KCND3: variants seen among roughly 807,000 people sequenced by gnomAD.
The protein encoded by KCND3 is potassium voltage-gated channel subfamily D member 3, also known as A-type voltage-gated potassium channel KCND3.
Under a neutral mutation model 51.1 loss-of-function variants are expected in KCND3, and 9 were observed. The ratio of observed to expected loss-of-function variants is 0.18; its 90% CI spans 0.11 to 0.31. The LOEUF (loss-of-function observed/expected upper bound fraction) is 0.31, where lower values mean the gene tolerates loss of function less well. Among genes scored for constraint, KCND3 ranks in the 10% least tolerant of loss-of-function variants. KCND3 has a pLI of 1.00. For synonymous variants in KCND3, 349 were observed against 368.0 expected, an observed-to-expected ratio of 0.95 and a Z score of 0.59; for missense variants, 526 against 903.8, an observed-to-expected ratio of 0.58 and a Z score of 5.36.
chr1:111,948,269 G>A (rs879835798), intron 2 of KCND3, among the ~76,000 whole-genome samples: 9 of 152,210 alleles, frequency 5.9e-5, no homozygotes, highest in Admixed American at 4.6e-4. Context: ...TGCCAGAGAT[G>A]AGTGCTGTTC....
intron 2 of KCND3, among the ~76,000 whole-genome samples, chr1:111,846,105 A>G (rs1264939353): frequency 1.3e-5 from 2 of 152,122 alleles, no homozygotes; most frequent in Non-Finnish European, 2.9e-5. Flanking sequence ...CATTGTGGTG[A>G]CCATATAATT....
rs895590969 is a variant in KCND3, at chr1:111,984,420, C to T, written c.-72-1622G>A. 2.0e-5 allele frequency among the ~76,000 whole-genome samples: 3 copies of T among 152,182 alleles called. No homozygotes were observed. The East Asian group carries it at 5.8e-4, about 29-fold the overall frequency. On this transcript the variant is annotated intron_variant, in intron 1 of 7. Coordinates refer to ENST00000302127, the MANE Select transcript of KCND3 (RefSeq NM_001378969.1). ...CCTAACTGCAGGGCTGTCACCTTGA[C>T]CATTTTTCTCTAAAGAGTTGCCAAA...
chr1:111,919,848 G>A (rs1465933020), intron 2 of KCND3, among the ~76,000 whole-genome samples: 1 of 152,186 alleles, frequency 6.6e-6, no homozygotes, highest in Non-Finnish European at 1.5e-5. Context: ...AAACCGATTT[G>A]AAACAGGTGC....
chr1:111,892,004 G>A (rs887458901), intron 2 of KCND3, among the ~76,000 whole-genome samples: 2 of 148,724 alleles, frequency 1.3e-5, no homozygotes, highest in Non-Finnish European at 3.0e-5. Context: ...GTGTGTGTTG[G>A]AGGAGAGCAA....
At chr1:111,864,856 C>T (rs1311385705) in intron 2 of KCND3, among the ~76,000 whole-genome samples, 6 of 151,846 alleles carry the variant, frequency 4.0e-5, no homozygotes, top group Non-Finnish European at 8.8e-5. Flanking sequence ...TGTGTGTATA[C>T]GTTAGGGTTG....
intron 2 of KCND3, among the ~76,000 whole-genome samples, chr1:111,792,529 C>T (rs1259866741): frequency 3.3e-5 from 5 of 152,172 alleles, no homozygotes; most frequent in South Asian, 2.1e-4. Context: ...TCTCCACCTC[C>T]GCTCAGTAGC....
At chr1:111,929,861 C>G (rs374655613) in intron 2 of KCND3, among the ~76,000 whole-genome samples, 1 of 152,238 alleles carries the variant, frequency 6.6e-6, no homozygotes, top group East Asian at 1.9e-4. Flanking sequence ...CATGCTCCCC[C>G]TTCCTTTGCT....
intron 2 of KCND3, among the ~76,000 whole-genome samples, chr1:111,887,545 C>T (rs1447419700): frequency 6.6e-6 from 1 of 152,286 alleles, no homozygotes; most frequent in African/African-American, 2.4e-5. Flanking sequence ...AAACAAGCTC[C>T]AAAAGGCAAA....
intron 2 of KCND3, among the ~76,000 whole-genome samples, chr1:111,847,625 G>T (rs1294116892): frequency 6.6e-6 from 1 of 152,174 alleles, no homozygotes; most frequent in African/African-American, 2.4e-5. Context: ...GCAAGCAGCA[G>T]CAAATTAACA....
intron 2 of KCND3, among the ~76,000 whole-genome samples, chr1:111,962,168 C>T (rs1258820489): frequency 1.3e-5 from 2 of 152,224 alleles, no homozygotes; most frequent in African/African-American, 2.4e-5. Flanking sequence ...TCACAGCAAT[C>T]CTCATTTGCC....
chr1:111,849,965 C>G (rs983058294), intron 2 of KCND3, among the ~76,000 whole-genome samples: 4 of 152,122 alleles, frequency 2.6e-5, no homozygotes, highest in African/African-American at 9.7e-5. Flanking sequence ...TATCTTCCAT[C>G]GGATCTCCCT....
At chr1:111,969,413 T>C (rs1366683098) in intron 2 of KCND3, among the ~76,000 whole-genome samples, 1 of 152,092 alleles carries the variant, frequency 6.6e-6, no homozygotes, top group Non-Finnish European at 1.5e-5. Context: ...CATTTCAGGC[T>C]CCCAAATGCC....
chr1:111,777,277 C>T lies in KCND3; in HGVS notation c.1519-4G>A, dbSNP rs72548732. On this transcript the variant is annotated splice_region_variant and splice_polypyrimidine_tract_variant and intron_variant, in intron 6 of 7. Transcript: ENST00000302127. ...GCTCATCAATAAACTCGTGGTTCTG[C>T]GGGAGGCAGAAGGAGAAGAAGTAGG... 27 of 1,613,982 alleles carry T rather than the reference C, an allele frequency of 1.7e-5. No individual in the cohort carries two copies. Among genetic ancestry groups the T allele is most frequent in the Non-Finnish European group, 2.2e-5 (26 of 1,180,012 alleles).
chr1:111,962,116 G>A (rs1379435056), intron 2 of KCND3, among the ~76,000 whole-genome samples: 2 of 152,202 alleles, frequency 1.3e-5, no homozygotes, highest in Non-Finnish European at 2.9e-5. Flanking sequence ...CATGTGCCAG[G>A]CCCTGGTCTA....
chr1:111,802,531 G>T (rs960182170), intron 2 of KCND3, among the ~76,000 whole-genome samples: 1 of 152,228 alleles, frequency 6.6e-6, no homozygotes, highest in Non-Finnish European at 1.5e-5. Flanking sequence ...TCCTTCAGCT[G>T]TAAAATTGAG....
At chr1:111,951,147 C>A (rs1209601172) in intron 2 of KCND3, among the ~76,000 whole-genome samples, 1 of 52,344 alleles carries the variant, frequency 1.9e-5, no homozygotes, top group South Asian at 7.3e-4. Flanking sequence ...TCCAGCCTGG[C>A]AAACAAGAGC....
At chr1:111,849,324 C>T (rs1667704588) in intron 2 of KCND3, among the ~76,000 whole-genome samples, 1 of 152,246 alleles carries the variant, frequency 6.6e-6, no homozygotes, top group African/African-American at 2.4e-5. Context: ...CACCCAGAAA[C>T]AGCACTCAGC....
At chr1:111,934,970 G>C (rs1395693255) in intron 2 of KCND3, among the ~76,000 whole-genome samples, 1 of 152,170 alleles carries the variant, frequency 6.6e-6, no homozygotes, top group Non-Finnish European at 1.5e-5. Flanking sequence ...CTATTCTTCT[G>C]ATTTATTTAT....
At chr1:111,802,136 C>T (rs192098159) in intron 2 of KCND3, among the ~76,000 whole-genome samples, 136 of 152,362 alleles carry the variant, frequency 8.9e-4, no homozygotes, top group Non-Finnish European at 1.7e-3. Flanking sequence ...ATGATCTGTG[C>T]AGTGGCAGAC....
Sources: gnomAD v4.1 joint callset for allele counts (sites outside exome capture counted in the v4.1 genomes callset) on GRCh38, gnomAD v4.1.1 for gene constraint, MANE v1.5 for transcripts, NCBI Gene and HGNC (gene_info 2026-07-23, HGNC 2026-07-21) for gene names.